NVL: variants seen among roughly 807,000 people sequenced by gnomAD.
NVL encodes nuclear VCP like, also known as nuclear valosin-containing protein-like.
NVL carries 84 observed loss-of-function variants against 110.2 expected under a neutral mutation model. That is an observed-to-expected ratio of 0.76 (90% CI 0.64 to 0.91). NVL has a LOEUF of 0.91. NVL is among the 40% of genes least tolerant of loss of function. NVL has a pLI of 0.00. For missense variants in NVL, 882 were observed against 1,035.9 expected, an observed-to-expected ratio of 0.85 and a Z score of 2.04; for synonymous variants, 354 against 361.1, an observed-to-expected ratio of 0.98 and a Z score of 0.22.
chr1:224,237,069 A>C (rs965269242), intron 19 of NVL, among the ~76,000 whole-genome samples: 4 of 152,238 alleles, frequency 2.6e-5, no homozygotes, highest in Non-Finnish European at 5.9e-5. Context: ...GAGAAAGCTA[A>C]AGGCAAACAA....
intron 1 of NVL, among the ~76,000 whole-genome samples, chr1:224,327,370 G>A (rs530802562): frequency 2.0e-5 from 3 of 151,990 alleles, no homozygotes; most frequent in Non-Finnish European, 2.9e-5. Flanking sequence ...TTGACCCCAC[G>A]AGTTTGAGAT....
At chr1:224,303,599 T>C (rs1486101724) in intron 9 of NVL, 124 bp downstream of exon 9, 11 of 914,954 alleles carry the variant, frequency 1.2e-5, no homozygotes, top group African/African-American at 5.0e-5. Flanking sequence ...AAGGGATCAG[T>C]TCCAATGACT....
Position 224,289,593 on chromosome 1 carries a change from ACT to A in NVL, c.1464_1465del (p.Arg488SerfsTer14), listed in dbSNP as rs1229737547. ...CTGCTGTTCCTGTAGCTTCATTAAG[ACT>A]CTATTGACTGCACACATTGCTGCCT... is the stretch of plus-strand genomic sequence containing the variant. On this transcript the variant is annotated frameshift_variant, in exon 13 of 23. Coordinates refer to ENST00000281701, the MANE Select transcript of NVL (RefSeq NM_002533.4). LOFTEE classifies it high-confidence loss of function. The A allele has an allele frequency of 5.0e-6, 8 of 1,614,032 alleles. No individual in the cohort carries two copies. The highest frequency in any genetic ancestry group is 6.8e-6 in the Non-Finnish European group (8 of 1,180,042).
At chr1:224,300,437 C>A in intron 10 of NVL, 125 bp downstream of exon 10, 2 of 573,310 alleles carry the variant, frequency 3.5e-6, no homozygotes, top group South Asian at 6.1e-5. Flanking sequence ...AGCAAATTAC[C>A]ATGTTTATAT....
chr1:224,246,694 A>G (rs987234655), intron 19 of NVL, among the ~76,000 whole-genome samples: 6 of 152,202 alleles, frequency 3.9e-5, no homozygotes, highest in Non-Finnish European at 5.9e-5. Context: ...ACACATCCAC[A>G]TACATTGACC....
At chr1:224,267,180 T>C (rs191207533) in intron 18 of NVL, among the ~76,000 whole-genome samples, 17 of 152,308 alleles carry the variant, frequency 1.1e-4, no homozygotes, top group Non-Finnish European at 2.1e-4. Flanking sequence ...TCTGCACTTC[T>C]GTAGTCTTGA....
At chr1:224,275,722 C>T (rs1024589706) in intron 16 of NVL, among the ~76,000 whole-genome samples, 37 of 152,118 alleles carry the variant, frequency 2.4e-4, no homozygotes, top group African/African-American at 8.7e-4. Context: ...TTAAGTGAAA[C>T]GTAAGTTCTT....
chr1:224,293,582 CT>C lies in NVL; in HGVS notation c.1325+684del, dbSNP rs1362489875. On this transcript the variant is annotated intron_variant, in intron 12 of 22. Transcript: ENST00000281701. ...CATTACTGGTAACAGGACCTGTGGTCTCAGACAGGTTAGTGCAATAGGTTAA... is the reference window on the plus strand; with the variant it reads ...CATTACTGGTAACAGGACCTGTGGTCCAGACAGGTTAGTGCAATAGGTTAA... 2.8e-4 allele frequency among the ~76,000 whole-genome samples: 42 copies of C among 152,190 alleles called. 1 individual carries two copies. The highest frequency in any genetic ancestry group is 6.5e-5 in the Admixed American group (1 of 15,282).
intron 17 of NVL, among the ~76,000 whole-genome samples, chr1:224,269,451 G>T (rs966687854): frequency 6.6e-6 from 1 of 152,144 alleles, no homozygotes; most frequent in African/African-American, 2.4e-5. Context: ...AGGTGTTCCA[G>T]ATCTTTTTAG....
At chr1:224,240,361 G>A (rs1661046189) in intron 19 of NVL, among the ~76,000 whole-genome samples, 1 of 152,118 alleles carries the variant, frequency 6.6e-6, no homozygotes, top group African/African-American at 2.4e-5. Flanking sequence ...GAGCCACCGT[G>A]CCCAGCCAAC....
chr1:224,324,096 T>C (rs1327776619), intron 2 of NVL, among the ~76,000 whole-genome samples: 1 of 152,186 alleles, frequency 6.6e-6, no homozygotes, highest in Non-Finnish European at 1.5e-5. Context: ...ATTACACACC[T>C]AGACTACATG....
At chr1:224,256,423 TAAAAA>T (rs34959473) in intron 18 of NVL, among the ~76,000 whole-genome samples, 1 of 75,660 alleles carries the variant, frequency 1.3e-5, no homozygotes, top group East Asian at 5.1e-4. Context: ...AGGCTCCATC[TAAAAA>T]AAAAAAAAAA....
At chr1:224,236,796 AGCTACTCG>A (rs1660538111) in intron 19 of NVL, 5 of 454,916 alleles carry the variant, frequency 1.1e-5, no homozygotes, top group Non-Finnish European at 2.0e-5. Flanking sequence ...CTGTAGTCCC[AGCTACTCG>A]GGAGGCTGAG....
At chr1:224,239,244 A>G (rs575415047) in intron 19 of NVL, among the ~76,000 whole-genome samples, 268 of 152,342 alleles carry the variant, frequency 1.8e-3, no homozygotes, top group African/African-American at 6.3e-3. Flanking sequence ...CCTGAGTTCT[A>G]AAGTTCAAAT....
At chr1:224,297,263 A>G (rs1261773769) in intron 10 of NVL, among the ~76,000 whole-genome samples, 1 of 152,224 alleles carries the variant, frequency 6.6e-6, no homozygotes, top group Non-Finnish European at 1.5e-5. Flanking sequence ...ACTGAAAAGT[A>G]CCGGAAGCTT....
At position 224,308,690 on chromosome 1, in the gene NVL, C is replaced by CAA. The variant is rs544159510; in HGVS notation, c.343-429_343-428dup. Among the ~76,000 whole-genome samples, 35 of 61,850 alleles carry CAA rather than the reference C, an allele frequency of 5.7e-4. 1 individual carries two copies. The highest frequency in any genetic ancestry group is 1.8e-3 in the African/African-American group (33 of 18,054). The allele number at this position is 61,850 out of a possible 152,430, so 40.6% of individuals were successfully genotyped here. ...TGGGTGACAGAGTGAGACTCCATCT[C>CAA]AAAAAAAAAAAAAAAAAGAAAAGAA... is the stretch of plus-strand genomic sequence containing the variant. On this transcript the variant is annotated intron_variant, in intron 5 of 22. Coordinates refer to ENST00000281701, the MANE Select transcript of NVL (RefSeq NM_002533.4).
In NVL at chr1:224,230,365, G is replaced by A. The variant is rs1234440092; in HGVS notation, c.2526+861C>T. Among the ~76,000 whole-genome samples, 3 of 152,190 alleles carry A rather than the reference G, an allele frequency of 2.0e-5. 1 individual carries two copies. The highest frequency in any genetic ancestry group is 2.0e-4 in the Admixed American group (3 of 15,278). On this transcript the variant is annotated intron_variant, in intron 22 of 22. Coordinates refer to ENST00000281701, the MANE Select transcript of NVL (RefSeq NM_002533.4). ...CACGCCTGTAATCCCAGCACTTTGG[G>A]AGGCCAAGGCGGGTGGATCACGAGG... is the stretch of plus-strand genomic sequence containing the variant.
chr1:224,301,318 T>G (rs1396339710), intron 9 of NVL, among the ~76,000 whole-genome samples: 1 of 152,096 alleles, frequency 6.6e-6, no homozygotes, highest in Non-Finnish European at 1.5e-5. Context: ...TTGCCCAGGC[T>G]GGTCCCAAAC....
chr1:224,281,725 G>T (rs1349640248), intron 15 of NVL, among the ~76,000 whole-genome samples: 1 of 151,540 alleles, frequency 6.6e-6, no homozygotes. Flanking sequence ...GGCCGAGGCG[G>T]GTGGATCACC....
Sources: gnomAD v4.1 joint callset for allele counts (sites outside exome capture counted in the v4.1 genomes callset) on GRCh38, gnomAD v4.1.1 for gene constraint, MANE v1.5 for transcripts, NCBI Gene and HGNC (gene_info 2026-07-23, HGNC 2026-07-21) for gene names.